Variants in TULP4 observed in about 807,000 individuals in gnomAD.
TULP4 encodes TUB like protein 4.
Under a neutral mutation model 129.0 loss-of-function variants are expected in TULP4, and 16 were observed. The observed-to-expected ratio is 0.12, with a 90% CI of 0.08 to 0.19. TULP4 has a LOEUF of 0.19. Ranked by LOEUF, TULP4 falls within the 10% of genes least tolerant of loss-of-function variation. The pLI is 1.00. For synonymous variants in TULP4, 998 were observed against 854.0 expected (o/e 1.17, Z -2.94); for missense variants, 1,842 against 2,059.1 (o/e 0.89, Z 2.04).
intron 12 of TULP4, among the ~76,000 whole-genome samples, chr6:158,500,829 G>A (rs547506268): frequency 1.3e-3 from 195 of 152,302 alleles, no homozygotes; most frequent in Admixed American, 3.3e-3. Context: ...CCTTTGGGAG[G>A]CGAGGTGGGT....
At chr6:158,298,368 A>G (rs1157936268) in intron 1 of TULP4, among the ~76,000 whole-genome samples, 2 of 152,214 alleles carry the variant, frequency 1.3e-5, no homozygotes, top group Non-Finnish European at 2.9e-5. Context: ...TTATTTGGGA[A>G]CTGATAAATG....
At chr6:158,387,039 G>A (rs7772929) in intron 1 of TULP4, among the ~76,000 whole-genome samples, 2 of 152,026 alleles carry the variant, frequency 1.3e-5, no homozygotes. Context: ...TGATAAAATT[G>A]GGGGGGAAAC....
At chr6:158,301,558 G>A (rs981708275) in intron 1 of TULP4, among the ~76,000 whole-genome samples, 5 of 152,266 alleles carry the variant, frequency 3.3e-5, no homozygotes, top group African/African-American at 4.8e-5. Flanking sequence ...ATTCTACACC[G>A]AGCTTGTCCA....
intron 1 of TULP4, 22 bp downstream of exon 1, chr6:158,314,290 C>G: frequency 1.2e-6 from 2 of 1,607,846 alleles, no homozygotes; most frequent in South Asian, 1.1e-5. Flanking sequence ...TTTTGTTTCA[C>G]TTTTTGGTCA....
chr6:158,455,201 A>C lies in TULP4; in HGVS notation c.859+2933A>C, dbSNP rs1779265786. Among the ~76,000 whole-genome samples the C allele has an allele frequency of 3.0e-5, 2 of 65,818 alleles. 1 individual carries two copies. Among genetic ancestry groups the C allele is most frequent in the South Asian group, 1.4e-3 (2 of 1,452 alleles). The allele number at this position is 65,818 out of a possible 152,430, so 43.2% of individuals were successfully genotyped here. Reference sequence around the variant, plus strand: ...GCCATTCTCCTGCCTCAGCCTCCCGAGTAGCTGGGACTACAGGCGCCCGCC... The same window carrying C: ...GCCATTCTCCTGCCTCAGCCTCCCGCGTAGCTGGGACTACAGGCGCCCGCC... On this transcript the variant is annotated intron_variant, in intron 5 of 13. Coordinates refer to ENST00000367097, the MANE Select transcript of TULP4 (RefSeq NM_020245.5).
At position 158,338,282 on chromosome 6, in the gene TULP4, A is replaced by G. The variant is rs1467786982; in HGVS notation, c.252+24014A>G. 3.9e-5 allele frequency among the ~76,000 whole-genome samples: 6 copies of G among 152,328 alleles called. No individual in the cohort carries two copies. In the East Asian group the frequency reaches 1.2e-3, roughly 29 times the overall value. On this transcript the variant is annotated intron_variant, in intron 1 of 13. Coordinates refer to ENST00000367097, the MANE Select transcript of TULP4 (RefSeq NM_020245.5). The stretch of plus-strand genomic sequence containing the variant: ...TGCTGGAATTATAGTCAGTCTTCCA[A>G]AGTGCTGGAATTATAGATGTGAGCC...
At chr6:158,501,571 A>C (rs1221504545) in intron 12 of TULP4, 107 bp from the exon 13 acceptor site, 1 of 1,173,202 alleles carries the variant, frequency 8.5e-7, no homozygotes, top group East Asian at 2.5e-5. Context: ...GGCAATTTGC[A>C]TTTTGTTTAC....
At chr6:158,504,272 A>T (rs1780545909) in intron 13 of TULP4, 94 bp downstream of exon 13, 1 of 1,042,494 alleles carries the variant, frequency 9.6e-7, no homozygotes, top group East Asian at 2.6e-5. Flanking sequence ...GCCAAATGGG[A>T]AATGTGGAAA....
At chr6:158,468,703 A>C (rs983643202) in intron 6 of TULP4, among the ~76,000 whole-genome samples, 2 of 152,230 alleles carry the variant, frequency 1.3e-5, no homozygotes, top group African/African-American at 4.8e-5. Context: ...AAAATACCTT[A>C]GACTGGGTGA....
chr6:158,268,300 G>C (rs1247855843), intron 1 of TULP4, among the ~76,000 whole-genome samples: 3 of 151,928 alleles, frequency 2.0e-5, no homozygotes, highest in South Asian at 4.1e-4. Flanking sequence ...CTGCCTCCCA[G>C]AGTGCTGGAA....
At chr6:158,466,843 A>G (rs1779563062) in intron 6 of TULP4, among the ~76,000 whole-genome samples, 1 of 144,742 alleles carries the variant, frequency 6.9e-6, no homozygotes, top group Non-Finnish European at 1.5e-5. Flanking sequence ...CCTGGAGGAA[A>G]GGAGTCTTGC....
intron 1 of TULP4, among the ~76,000 whole-genome samples, chr6:158,249,178 C>A (rs909707371): frequency 4.0e-5 from 6 of 151,890 alleles, no homozygotes; most frequent in Non-Finnish European, 8.8e-5. Flanking sequence ...CTTTTCCAGG[C>A]CTTACAAGTG....
At chr6:158,241,112 C>T (rs1205023511) in intron 1 of TULP4, among the ~76,000 whole-genome samples, 16 of 128,568 alleles carry the variant, frequency 1.2e-4, no homozygotes, top group Non-Finnish European at 1.5e-4. Flanking sequence ...CCAGAGGGGG[C>T]GGCGGGGCAG....
At chr6:158,378,737 C>T (rs542363258) in intron 1 of TULP4, among the ~76,000 whole-genome samples, 69 of 151,570 alleles carry the variant, frequency 4.6e-4, no homozygotes, top group Non-Finnish European at 5.3e-4. Context: ...TGCCTGCCTC[C>T]GCCTCCCAAA....
intron 11 of TULP4, among the ~76,000 whole-genome samples, chr6:158,498,442 C>T (rs1298771761): frequency 1.3e-5 from 2 of 152,254 alleles, no homozygotes; most frequent in African/African-American, 4.8e-5. Context: ...GGAGGCCAAG[C>T]TAGACCGGGA....
In TULP4 at chr6:158,481,150, C is replaced by T. The variant is rs779943537; in HGVS notation, c.1347C>T (p.Asp449=). Residue 449 remains aspartate, a synonymous_variant, in exon 8 of 14, where the codon GAC becomes GAT. Coordinates refer to ENST00000367097, the MANE Select transcript of TULP4 (RefSeq NM_020245.5). ...ACTGCACCATGAAGCGCACAGAGGA[C>T]GACCCGGAGGTGGGCGGCCCGTGCT... is the stretch of plus-strand genomic sequence containing the variant. ...RLHCTMKRTE[D]DPEVGGPCYT... 9.3e-6 allele frequency: 15 copies of T among 1,613,846 alleles called. No homozygotes were observed. Among genetic ancestry groups the T allele is most frequent in the African/African-American group, 4.0e-5 (3 of 74,928 alleles).
At chr6:158,252,264 T>G (rs1198539082) in intron 1 of TULP4, among the ~76,000 whole-genome samples, 1 of 152,210 alleles carries the variant, frequency 6.6e-6, no homozygotes, top group Non-Finnish European at 1.5e-5. Flanking sequence ...TATCGATCTT[T>G]TTTCCATTGT....
At chr6:158,410,472 CA>C (rs1203596482) in intron 1 of TULP4, among the ~76,000 whole-genome samples, 1 of 152,182 alleles carries the variant, frequency 6.6e-6, no homozygotes, top group Non-Finnish European at 1.5e-5. Flanking sequence ...ATTGGTATTA[CA>C]TTTAAATAAG....
chr6:158,444,156 G>C (rs530496299), intron 3 of TULP4, among the ~76,000 whole-genome samples: 55 of 126,376 alleles, frequency 4.4e-4, no homozygotes, highest in Non-Finnish European at 4.4e-4. Flanking sequence ...GGAGGCAGAG[G>C]TTGCAGTGAG....
Sources: allele counts gnomAD v4.1 joint callset (sites outside exome capture counted in the v4.1 genomes callset), GRCh38; gene constraint gnomAD v4.1.1; transcripts MANE v1.5; gene names NCBI Gene and HGNC (gene_info 2026-07-23, HGNC 2026-07-21).